CALCR: variants seen among roughly 807,000 people sequenced by gnomAD.
The protein encoded by CALCR is calcitonin receptor.
A neutral mutation model predicts 59.5 loss-of-function variants in CALCR; 47 were observed. The observed-to-expected ratio is 0.79, with a 90% confidence interval of 0.63 to 1.01. The LOEUF is 1.01. Among genes scored for constraint, CALCR ranks in the 50% least tolerant of loss-of-function variants. The pLI, the probability that CALCR is intolerant of heterozygous loss-of-function variation, is 0.00. For missense variants in CALCR, 566 were observed against 597.1 expected (o/e 0.95, Z 0.54); for synonymous variants, 213 against 211.3 (o/e 1.01, Z -0.07).
intron 2 of CALCR, among the ~76,000 whole-genome samples, chr7:93,524,403 C>T (rs966064287): frequency 6.6e-6 from 1 of 152,052 alleles, no homozygotes; most frequent in Non-Finnish European, 1.5e-5. Flanking sequence ...ATCTCCTGAC[C>T]TCGTGATCCG....
chr7:93,545,023 A>G (rs1192914304), intron 2 of CALCR, among the ~76,000 whole-genome samples: 1 of 151,972 alleles, frequency 6.6e-6, no homozygotes, highest in Admixed American at 6.6e-5. Context: ...AACATGCTCT[A>G]TGGTACTACT....
In CALCR at chr7:93,479,470, G is replaced by A. The variant is rs1300794370; in HGVS notation, c.89C>T (p.Thr30Ile). Reference sequence around the variant, plus strand: ...TGGCTTGGGCTCTATTGTTGGATAGGTTTGATTTGAAAAGGCAGGAAGAAT... The same window carrying A: ...TGGCTTGGGCTCTATTGTTGGATAGATTTGATTTGAAAAGGCAGGAAGAAT... Reference protein sequence around the residue: ...TPILPAFSNQTYPTIEPKPFL... With the variant: ...TPILPAFSNQIYPTIEPKPFL... Residue 30 changes from threonine to isoleucine, a missense_variant, in exon 4 of 14, where the codon ACC (threonine) becomes ATC (isoleucine). By Grantham distance (89) the Thr-to-Ile change is moderately conservative. Transcript: ENST00000426151. 1 of 1,612,346 alleles carries A rather than the reference G, an allele frequency of 6.2e-7. No homozygotes were observed. The highest frequency in any genetic ancestry group is 1.7e-5 in the Admixed American group (1 of 59,832).
intron 9 of CALCR, among the ~76,000 whole-genome samples, chr7:93,442,893 C>T (rs956553015): frequency 3.3e-5 from 5 of 152,114 alleles, no homozygotes; most frequent in African/African-American, 1.2e-4. Flanking sequence ...TCTTTCATTG[C>T]CTCACCTTCT....
In CALCR at chr7:93,426,199, G is replaced by T. The variant is rs1229797356; in HGVS notation, c.*157C>A. 1 of 589,304 alleles carries T rather than the reference G, an allele frequency of 1.7e-6. No individual in the cohort carries two copies. Among genetic ancestry groups the T allele is most frequent in the Admixed American group, 3.0e-5 (1 of 33,794 alleles). 36.5% of individuals were successfully genotyped at this position (589,304 alleles called of 1,614,324 possible). A position where few individuals can be genotyped will look rare whatever the true frequency, so the allele number is the denominator to read the frequency against. On this transcript the variant is annotated 3_prime_UTR_variant, in exon 14 of 14. Transcript: ENST00000426151. ...CTGTCTCCCAAAGCAACAGTACCAA[G>T]AATAACTTTCTTCAGATTTACAATG...
chr7:93,479,888 T>C (rs1354910009), intron 3 of CALCR, among the ~76,000 whole-genome samples: 2 of 151,928 alleles, frequency 1.3e-5, no homozygotes. Flanking sequence ...CTCTTAAGAA[T>C]CATGAATCAT....
intron 4 of CALCR, 71 bp downstream of exon 4, chr7:93,479,283 A>G (rs1402911884): frequency 1.4e-6 from 2 of 1,419,170 alleles, no homozygotes; most frequent in East Asian, 2.3e-5. Context: ...TATTCAACAC[A>G]TATTTAACCA....
chr7:93,571,272 T>C (rs1424930044), intron 2 of CALCR, among the ~76,000 whole-genome samples: 1 of 152,166 alleles, frequency 6.6e-6, no homozygotes, highest in Admixed American at 6.5e-5. Context: ...ATTACTTATG[T>C]TCTTGTCATT....
chr7:93,430,572 AT>A (rs1263567107), intron 13 of CALCR, among the ~76,000 whole-genome samples: 1 of 152,160 alleles, frequency 6.6e-6, no homozygotes, highest in Non-Finnish European at 1.5e-5. Flanking sequence ...ACATTCAGCC[AT>A]TGTATTTCTT....
In CALCR at chr7:93,479,371, G is replaced by A. The variant is rs757663585; in HGVS notation, c.188C>T (p.Pro63Leu). ...YKCYDRMQQL[P>L]AYQGEGPYCN... ...CTCTTTACCTTCTCCTTGGTATGCGGGTAACTGCTGCATTCGGTCATAGCA... is the reference window on the plus strand; with the variant it reads ...CTCTTTACCTTCTCCTTGGTATGCGAGTAACTGCTGCATTCGGTCATAGCA... The change falls in exon 4 of 14, where the codon CCC (proline) becomes CTC (leucine). Residue 63 changes from proline (P) to leucine (L), a missense_variant. By Grantham distance (98) the Pro-to-Leu change is moderately conservative. Transcript: ENST00000426151. The A allele has an allele frequency of 8.1e-6, 13 of 1,609,998 alleles. No homozygotes were observed. The highest frequency in any genetic ancestry group is 1.7e-5 in the Admixed American group (1 of 59,422).
At chr7:93,520,649 C>T (rs1349209661) in intron 2 of CALCR, among the ~76,000 whole-genome samples, 14 of 152,126 alleles carry the variant, frequency 9.2e-5, no homozygotes, top group Non-Finnish European at 2.9e-5. Flanking sequence ...ATCAACTCTA[C>T]AAAAATTAGC....
At chr7:93,518,445 A>T (rs1801691128) in intron 2 of CALCR, among the ~76,000 whole-genome samples, 1 of 151,972 alleles carries the variant, frequency 6.6e-6, no homozygotes, top group South Asian at 2.1e-4. Context: ...ATATTTAAAT[A>T]TGTGCAAATT....
At position 93,482,678 on chromosome 7, in the gene CALCR, C is replaced by A. The variant is rs116722702; in HGVS notation, c.52-3171G>T. 935 of 459,118 alleles carry A rather than the reference C, an allele frequency of 2.0e-3. 16 individuals are homozygous for A. Among genetic ancestry groups the A allele is most frequent in the African/African-American group, 0.018 (865 of 48,638 alleles). The allele number at this position is 459,118 out of a possible 1,614,324, so 28.4% of individuals were successfully genotyped here. On this transcript the variant is annotated intron_variant, in intron 3 of 13. Coordinates refer to ENST00000426151, the MANE Select transcript of CALCR (RefSeq NM_001742.4). Reference sequence around the variant, plus strand: ...GTATTTTCAATTATATTTTTATTTGCTTTAATGCAGTTTTAACATCAGTAA... The same window carrying A: ...GTATTTTCAATTATATTTTTATTTGATTTAATGCAGTTTTAACATCAGTAA...
At chr7:93,507,861 TG>T (rs1173462144) in intron 2 of CALCR, among the ~76,000 whole-genome samples, 65 of 151,002 alleles carry the variant, frequency 4.3e-4, no homozygotes, top group African/African-American at 1.6e-3. Context: ...AGGCAGAGCT[TG>T]CGGTGAGCCG....
At chr7:93,467,329 T>C (rs572136482) in intron 7 of CALCR, among the ~76,000 whole-genome samples, 1 of 151,802 alleles carries the variant, frequency 6.6e-6, no homozygotes, top group African/African-American at 2.4e-5. Context: ...TCATTGTCTG[T>C]TTGCTTATGT....
intron 2 of CALCR, among the ~76,000 whole-genome samples, chr7:93,565,847 C>A (rs1314033711): frequency 6.6e-6 from 1 of 152,140 alleles, no homozygotes; most frequent in Admixed American, 6.5e-5. Flanking sequence ...TATGATACAT[C>A]CTCATACTTG....
intron 13 of CALCR, among the ~76,000 whole-genome samples, chr7:93,426,988 GA>G (rs1469461111): frequency 6.6e-6 from 1 of 152,176 alleles, no homozygotes; most frequent in Non-Finnish European, 1.5e-5. Context: ...GTGTGCACAT[GA>G]AAAATATATA....
At chr7:93,519,988 T>A (rs1328122212) in intron 2 of CALCR, among the ~76,000 whole-genome samples, 1 of 152,044 alleles carries the variant, frequency 6.6e-6, no homozygotes, top group Non-Finnish European at 1.5e-5. Flanking sequence ...TATAGCAGTA[T>A]GAAAATAAAC....
At chr7:93,467,563 T>C (rs1800465330) in intron 7 of CALCR, among the ~76,000 whole-genome samples, 1 of 151,742 alleles carries the variant, frequency 6.6e-6, no homozygotes, top group Admixed American at 6.6e-5. Flanking sequence ...TACTATGTTT[T>C]AAATTTATTT....
chr7:93,461,626 G>C (rs1800338656), intron 7 of CALCR, among the ~76,000 whole-genome samples: 1 of 152,124 alleles, frequency 6.6e-6, no homozygotes, highest in Non-Finnish European at 1.5e-5. Flanking sequence ...GATCCAATGA[G>C]AGCTATCCAA....
Sources: gnomAD v4.1 joint callset for allele counts (sites outside exome capture counted in the v4.1 genomes callset) on GRCh38, gnomAD v4.1.1 for gene constraint, MANE v1.5 for transcripts, NCBI Gene and HGNC (gene_info 2026-07-23, HGNC 2026-07-21) for gene names.